The following CSRNP3 variants were observed in gnomAD, a reference collection of about 807,000 sequenced individuals.
The protein encoded by CSRNP3 is cysteine/serine-rich nuclear protein 3.
A neutral mutation model predicts 48.0 loss-of-function variants in CSRNP3; 12 were observed. The observed-to-expected ratio is 0.25, with a 90% CI of 0.16 to 0.41. The LOEUF is 0.41. Ranked by LOEUF, CSRNP3 falls within the 10% of genes least tolerant of loss-of-function variation. The pLI, the probability that CSRNP3 is intolerant of heterozygous loss-of-function variation, is 1.00. For synonymous variants in CSRNP3, 263 were observed against 269.7 expected (o/e 0.98, Z 0.24); for missense variants, 580 against 724.4 (o/e 0.80, Z 2.29).
intron 2 of CSRNP3, among the ~76,000 whole-genome samples, chr2:165,499,841 T>A (rs1425666685): frequency 6.6e-6 from 1 of 151,752 alleles, no homozygotes; most frequent in Non-Finnish European, 1.5e-5. Context: ...TTGCAGTGAG[T>A]TAAAATTACA....
rs1687591915 is a variant in CSRNP3 at position 165,684,203 on chromosome 2, T to G, written c.*4450T>G. ...TGTTGCAAATTCCAAAGACATCACTTTGCAGCAGGTGGAAAACAGAGAGGT... is the reference window on the plus strand; with the variant it reads ...TGTTGCAAATTCCAAAGACATCACTGTGCAGCAGGTGGAAAACAGAGAGGT... On this transcript the variant is annotated 3_prime_UTR_variant, in exon 7 of 7. Transcript: ENST00000651982. 1.3e-5 allele frequency: 2 copies of G among 152,134 alleles called. No individual in the cohort carries two copies. The highest frequency in any genetic ancestry group is 2.1e-4 in the South Asian group (1 of 4,834). The allele number at this position is 152,134 out of a possible 1,614,324, so 9.4% of individuals were successfully genotyped here.
intron 2 of CSRNP3, among the ~76,000 whole-genome samples, chr2:165,514,212 G>A (rs1684544835): frequency 6.6e-6 from 1 of 152,194 alleles, no homozygotes; most frequent in South Asian, 2.1e-4. Context: ...CCTTGAATCA[G>A]CTGTAGAGGA....
chr2:165,619,820 A>C (rs947608187), intron 4 of CSRNP3, among the ~76,000 whole-genome samples: 1 of 152,202 alleles, frequency 6.6e-6, no homozygotes, highest in Admixed American at 6.5e-5. Context: ...TGAAATTCCA[A>C]GTATAAAAAG....
intron 4 of CSRNP3, among the ~76,000 whole-genome samples, chr2:165,606,915 G>A (rs1030925789): frequency 3.3e-5 from 5 of 152,068 alleles, no homozygotes; most frequent in African/African-American, 1.2e-4. Context: ...AACCTCTAGG[G>A]ATGAAGAGTA....
At chr2:165,491,639 T>C (rs1684209156) in intron 1 of CSRNP3, among the ~76,000 whole-genome samples, 1 of 76,076 alleles carries the variant, frequency 1.3e-5, no homozygotes, top group Non-Finnish European at 2.6e-5. Context: ...GATGAGTTCA[T>C]GTCCTTTGTA....
rs1461154024 is a variant in CSRNP3, at chr2:165,601,408, G to A, written c.148+6195G>A. ...TAGTATTTAAGAAGTGAAAATATCA[G>A]GAAGTAAAAGGATACACATTCTAAA... On this transcript the variant is annotated intron_variant, in intron 4 of 6. Transcript: ENST00000651982. 2.6e-5 allele frequency among the ~76,000 whole-genome samples: 4 copies of A among 152,230 alleles called. No homozygotes were observed. In the South Asian group the frequency reaches 6.2e-4, roughly 24 times the overall value.
intron 4 of CSRNP3, among the ~76,000 whole-genome samples, chr2:165,657,116 C>T (rs1687017384): frequency 6.6e-6 from 1 of 152,174 alleles, no homozygotes; most frequent in African/African-American, 2.4e-5. Flanking sequence ...TGAATCTTCT[C>T]TTTGTCCAGC....
chr2:165,515,057 C>T (rs1470058085), intron 2 of CSRNP3, among the ~76,000 whole-genome samples: 2 of 152,116 alleles, frequency 1.3e-5, no homozygotes, highest in African/African-American at 2.4e-5. Flanking sequence ...CTGTGGCTCA[C>T]GCCTGTAATC....
chr2:165,511,935 A>T (rs1684512443), intron 2 of CSRNP3, among the ~76,000 whole-genome samples: 1 of 152,096 alleles, frequency 6.6e-6, no homozygotes. Flanking sequence ...TTTTTGTCAC[A>T]CTAGTTTGAA....
At chr2:165,540,969 G>A (rs1014125086) in intron 3 of CSRNP3, among the ~76,000 whole-genome samples, 9 of 151,978 alleles carry the variant, frequency 5.9e-5, no homozygotes, top group African/African-American at 2.2e-4. Flanking sequence ...TTTACATGGC[G>A]GGGTTTTCTC....
intron 3 of CSRNP3, among the ~76,000 whole-genome samples, chr2:165,565,207 G>A (rs1339484377): frequency 4.6e-5 from 7 of 152,192 alleles, no homozygotes; most frequent in East Asian, 3.9e-4. Flanking sequence ...CCAATAAAAT[G>A]TGTTTATACT....
chr2:165,676,824 C>G (rs751371), intron 6 of CSRNP3, among the ~76,000 whole-genome samples: 119,009 of 152,162 alleles, frequency 0.78, 46,953 homozygotes, highest in Non-Finnish European at 0.83. Flanking sequence ...ATACATATAA[C>G]ATATAATCTG....
chr2:165,652,033 T>C (rs1686919841), intron 4 of CSRNP3, among the ~76,000 whole-genome samples: 2 of 152,206 alleles, frequency 1.3e-5, no homozygotes, highest in Admixed American at 1.3e-4. Flanking sequence ...ATTTAATTTA[T>C]AAAGATCAGT....
At chr2:165,652,497 T>TA (rs201086270) in intron 4 of CSRNP3, among the ~76,000 whole-genome samples, 92,860 of 146,938 alleles carry the variant, frequency 0.63, 29,182 homozygotes, top group East Asian at 0.89. Context: ...GACTCAATCT[T>TA]AAAAAAAAAA....
At chr2:165,560,579 C>CA (rs769245843) in intron 3 of CSRNP3, among the ~76,000 whole-genome samples, 1 of 152,198 alleles carries the variant, frequency 6.6e-6, no homozygotes, top group Non-Finnish European at 1.5e-5. Context: ...CTATTCCCTA[C>CA]AGCCATCTTA....
rs11313094 is a variant in CSRNP3, at chr2:165,559,796, C to CTTTTTT, written c.-23-35231_-23-35226dup. On this transcript the variant is annotated intron_variant, in intron 3 of 6. Transcript: ENST00000651982. ...CTGAATGTAATATTTTTCTTTCTTTCTTTTTTTTTTTTTTTTTTTTTGAGA... is the reference window on the plus strand; with the variant it reads ...CTGAATGTAATATTTTTCTTTCTTTCTTTTTTTTTTTTTTTTTTTTTTTTTTTGAGA... Among the ~76,000 whole-genome samples the CTTTTTT allele has an allele frequency of 2.2e-3, 219 of 98,394 alleles. 1 individual carries two copies. The highest frequency in any genetic ancestry group is 2.6e-3 in the Non-Finnish European group (137 of 52,438). The allele number at this position is 98,394 out of a possible 152,430, so 64.6% of individuals were successfully genotyped here.
intron 4 of CSRNP3, among the ~76,000 whole-genome samples, chr2:165,618,311 T>G (rs753640132): frequency 1.3e-5 from 2 of 152,226 alleles, no homozygotes; most frequent in Non-Finnish European, 2.9e-5. Context: ...CTCAAGTTTC[T>G]GTACTTCAGA....
chr2:165,562,970 TGAA>T (rs1345291411), intron 3 of CSRNP3, among the ~76,000 whole-genome samples: 1 of 152,226 alleles, frequency 6.6e-6, no homozygotes, highest in East Asian at 1.9e-4. Flanking sequence ...GTTAACCTGA[TGAA>T]GGAGAGAAGA....
intron 4 of CSRNP3, among the ~76,000 whole-genome samples, chr2:165,639,348 C>T (rs943737733): frequency 1.3e-5 from 2 of 152,170 alleles, no homozygotes; most frequent in African/African-American, 2.4e-5. Flanking sequence ...CATGGGACAA[C>T]TCAATTTTTC....
Sources: gnomAD v4.1 joint callset for allele counts (sites outside exome capture counted in the v4.1 genomes callset) on GRCh38, gnomAD v4.1.1 for gene constraint, MANE v1.5 for transcripts, NCBI Gene and HGNC (gene_info 2026-07-23, HGNC 2026-07-21) for gene names.